The following IL1RAPL1 variants were observed in gnomAD, a reference collection of about 807,000 sequenced individuals.
IL1RAPL1 encodes the protein interleukin 1 receptor accessory protein like 1.
IL1RAPL1 carries 3 observed loss-of-function variants against 48.4 expected under a neutral mutation model. The ratio of observed to expected loss-of-function variants is 0.06; its 90% CI spans 0.03 to 0.16. The LOEUF is 0.16. Ranked by LOEUF, IL1RAPL1 falls within the 10% of genes least tolerant of loss-of-function variation. The pLI, the probability that IL1RAPL1 is intolerant of heterozygous loss-of-function variation, is 1.00. For missense variants in IL1RAPL1, 349 were observed against 530.6 expected (o/e 0.66, Z 3.36); for synonymous variants, 185 against 187.7 (o/e 0.99, Z 0.12).
At chrX:29,701,425 A>G (rs1426498187) in intron 6 of IL1RAPL1, among the ~76,000 whole-genome samples, 1 of 112,083 alleles carries the variant, frequency 8.9e-6, no homozygotes, top group African/African-American at 3.2e-5. Flanking sequence ...TGTTTTTATT[A>G]GTATTATTCA....
intron 6 of IL1RAPL1, among the ~76,000 whole-genome samples, chrX:29,711,329 A>G (rs1408317970): frequency 9.4e-6 from 1 of 105,882 alleles, no homozygotes; most frequent in African/African-American, 3.4e-5. Context: ...GATTACCGCC[A>G]TGCGCCACCA....
At chrX:28,958,633 G>A (rs1188188210) in intron 2 of IL1RAPL1, among the ~76,000 whole-genome samples, 2 of 111,086 alleles carry the variant, frequency 1.8e-5, no homozygotes, top group Non-Finnish European at 3.8e-5. Context: ...TAAACAGTTT[G>A]TCTACTTTAG....
At chrX:29,264,254 A>C (rs991940992) in intron 2 of IL1RAPL1, among the ~76,000 whole-genome samples, 4 of 111,644 alleles carry the variant, frequency 3.6e-5, no homozygotes, top group Non-Finnish European at 5.6e-5. Flanking sequence ...GCGTACTATG[A>C]TTTTAATAGA....
intron 2 of IL1RAPL1, among the ~76,000 whole-genome samples, chrX:28,804,267 C>T (rs1446808225): frequency 9.0e-6 from 1 of 111,356 alleles, no homozygotes; most frequent in African/African-American, 3.3e-5. Context: ...ACTGAATTCT[C>T]TGGGGGATTA....
intron 6 of IL1RAPL1, among the ~76,000 whole-genome samples, chrX:29,806,182 G>C (rs1323219648): frequency 9.0e-6 from 1 of 111,037 alleles, no homozygotes; most frequent in Non-Finnish European, 1.9e-5. Context: ...TGTTGCTCTT[G>C]CTCTATGTAC....
intron 6 of IL1RAPL1, among the ~76,000 whole-genome samples, chrX:29,900,782 A>T (rs1425892213): frequency 1.8e-5 from 2 of 111,799 alleles, no homozygotes; most frequent in Non-Finnish European, 3.8e-5. Context: ...TAAGTGGATC[A>T]AATTAGTGGG....
At chrX:29,790,333 G>T (rs1446848813) in intron 6 of IL1RAPL1, among the ~76,000 whole-genome samples, 1 of 111,354 alleles carries the variant, frequency 9.0e-6, no homozygotes, top group Non-Finnish European at 1.9e-5. Context: ...TAAAGCCTAA[G>T]TCTCAAATAT....
chrX:29,087,146 T>A, intron 2 of IL1RAPL1, among the ~76,000 whole-genome samples: 1 of 102,851 alleles, frequency 9.7e-6, no homozygotes. Flanking sequence ...TTTTTTTTTT[T>A]TTTTTTTTTT....
chrX:29,415,699 G>A (rs1934206543), intron 5 of IL1RAPL1, among the ~76,000 whole-genome samples: 1 of 112,295 alleles, frequency 8.9e-6, no homozygotes, highest in African/African-American at 3.2e-5. Flanking sequence ...GATTACAGGC[G>A]TGAACCACCG....
chrX:28,750,805 A>G (rs866538520), intron 1 of IL1RAPL1, among the ~76,000 whole-genome samples: 1 of 112,325 alleles, frequency 8.9e-6, no homozygotes, highest in Non-Finnish European at 1.9e-5. Context: ...TGATTAGGAC[A>G]AATCAGTTTG....
chrX:29,404,138 A>G (rs1404831845), intron 5 of IL1RAPL1, among the ~76,000 whole-genome samples: 1 of 112,210 alleles, frequency 8.9e-6, no homozygotes, highest in Non-Finnish European at 1.9e-5. Flanking sequence ...AAACAAATGC[A>G]TAGTGTCATG....
At chrX:29,766,845 A>C (rs927488474) in intron 6 of IL1RAPL1, among the ~76,000 whole-genome samples, 2 of 107,195 alleles carry the variant, frequency 1.9e-5, no homozygotes, top group African/African-American at 6.8e-5. Context: ...CTTGAAAGTT[A>C]TTTGCAAGAT....
At chrX:29,288,308 C>T (rs931235637) in intron 3 of IL1RAPL1, among the ~76,000 whole-genome samples, 87 of 110,642 alleles carry the variant, frequency 7.9e-4, no homozygotes, top group African/African-American at 2.8e-3. Flanking sequence ...CCTCCCCCAG[C>T]CCACCTGCCC....
At chrX:29,612,378 C>T (rs1410452250) in intron 5 of IL1RAPL1, among the ~76,000 whole-genome samples, 1 of 108,986 alleles carries the variant, frequency 9.2e-6, no homozygotes, top group Non-Finnish European at 1.9e-5. Context: ...GTTTCTGAAG[C>T]CCATCTATGG....
At chrX:29,721,396 A>T (rs1381806826) in intron 6 of IL1RAPL1, among the ~76,000 whole-genome samples, 1 of 111,881 alleles carries the variant, frequency 8.9e-6, no homozygotes, top group Non-Finnish European at 1.9e-5. Context: ...AGAGCCCTGC[A>T]GCATTTAGGC....
intron 2 of IL1RAPL1, among the ~76,000 whole-genome samples, chrX:29,115,698 T>A (rs1322578970): frequency 9.0e-6 from 1 of 110,878 alleles, no homozygotes; most frequent in African/African-American, 3.3e-5. Flanking sequence ...TGACCACTTT[T>A]GCCTTTCATA....
rs764635166 is a variant in IL1RAPL1, at chrX:28,819,967, G to GATAT, written c.82+30586_82+30589dup. 5.6e-3 allele frequency among the ~76,000 whole-genome samples: 151 copies of GATAT among 26,738 alleles called. 10 individuals carry two copies. Among genetic ancestry groups the GATAT allele is most frequent in the Non-Finnish European group, 0.011 (117 of 10,924 alleles). The allele number at this position is 26,738 out of a possible 115,157, so 23.2% of individuals were successfully genotyped here. A position where few individuals can be genotyped will look rare whatever the true frequency, so the allele number is the denominator to read the frequency against. ...TTTGTGATTACTGCATAAACATAGT[G>GATAT]ATATATATATATATATATATATATA... is the stretch of plus-strand genomic sequence containing the variant. On this transcript the variant is annotated intron_variant, in intron 2 of 10. Coordinates refer to ENST00000378993, the MANE Select transcript of IL1RAPL1 (RefSeq NM_014271.4).
rs1936636423 is a variant in IL1RAPL1 at position 28,798,265 on chromosome X, T to C, written c.82+8840T>C. Among the ~76,000 whole-genome samples, 5 of 111,856 alleles carry C rather than the reference T, an allele frequency of 4.5e-5. No homozygotes were observed. The Admixed American group carries it at 4.7e-4, about 11-fold the overall frequency. On this transcript the variant is annotated intron_variant, in intron 2 of 10. Coordinates refer to ENST00000378993, the MANE Select transcript of IL1RAPL1 (RefSeq NM_014271.4). ...CCCCTGATCCACTGGTGGTCAACTA[T>C]AGGCTTGCACGTGATCCATAAGGTG...
intron 1 of IL1RAPL1, among the ~76,000 whole-genome samples, chrX:28,773,149 C>G (rs149894488): frequency 9.0e-6 from 1 of 110,862 alleles, no homozygotes; most frequent in Non-Finnish European, 1.9e-5. Context: ...TCATAGCACA[C>G]TGCAGCCTCG....
Sources: gnomAD v4.1 joint callset for allele counts (sites outside exome capture counted in the v4.1 genomes callset) on GRCh38, gnomAD v4.1.1 for gene constraint, MANE v1.5 for transcripts, NCBI Gene and HGNC (gene_info 2026-07-23, HGNC 2026-07-21) for gene names.